NAV1: variants seen among roughly 807,000 people sequenced by gnomAD.
The protein encoded by NAV1 is neuron navigator 1.
Under a neutral mutation model 175.2 loss-of-function variants are expected in NAV1, and 18 were observed. The observed-to-expected ratio is 0.10, with a 90% confidence interval of 0.07 to 0.15. NAV1 has a LOEUF of 0.15. Ranked by LOEUF, NAV1 falls within the 10% of genes least tolerant of loss-of-function variation. The pLI, the probability that NAV1 is intolerant of heterozygous loss-of-function variation, is 1.00. For synonymous variants in NAV1, 897 were observed against 978.7 expected (o/e 0.92, Z 1.56); for missense variants, 1,731 against 2,436.6 (o/e 0.71, Z 6.10).
intron 1 of NAV1, among the ~76,000 whole-genome samples, chr1:201,552,562 C>T (rs1399425026): frequency 6.6e-6 from 1 of 152,118 alleles, no homozygotes; most frequent in Non-Finnish European, 1.5e-5. Context: ...GTTCCTACAA[C>T]CTCCCTGAGC....
At chr1:201,673,654 G>A (rs1670134342) in intron 1 of NAV1, among the ~76,000 whole-genome samples, 1 of 152,176 alleles carries the variant, frequency 6.6e-6, no homozygotes, top group Admixed American at 6.5e-5. Flanking sequence ...GTGGGAGAGA[G>A]GGCAGAAGAG....
intron 2 of NAV1, among the ~76,000 whole-genome samples, chr1:201,596,912 G>A (rs1007946329): frequency 1.3e-5 from 2 of 152,062 alleles, no homozygotes; most frequent in African/African-American, 2.4e-5. Context: ...TGCAACCTCC[G>A]CCTCCTGGGT....
rs570986744 is a variant in NAV1, at chr1:201,723,846, T to C, written c.1226+5091T>C. On this transcript the variant is annotated intron_variant, in intron 3 of 29. Coordinates refer to ENST00000367296, the Ensembl canonical transcript of NAV1. Reference sequence around the variant, plus strand: ...AATCTGTTTCGCTGTAACTTCTACCTATTGATTCAAATTCTGTCATCTGGG... The same window carrying C: ...AATCTGTTTCGCTGTAACTTCTACCCATTGATTCAAATTCTGTCATCTGGG... 10 of 152,366 alleles carry C rather than the reference T, an allele frequency of 6.6e-5. No individual in the cohort carries two copies. The South Asian group carries it at 2.1e-3, about 32-fold the overall frequency. 9.4% of individuals were successfully genotyped at this position (152,366 alleles called of 1,614,324 possible). A position where few individuals can be genotyped will look rare whatever the true frequency, so the allele number is the denominator to read the frequency against.
At chr1:201,712,033 A>G (rs1455416934) in intron 1 of NAV1, among the ~76,000 whole-genome samples, 1 of 152,218 alleles carries the variant, frequency 6.6e-6, no homozygotes, top group African/African-American at 2.4e-5. Flanking sequence ...GGATTGGGCC[A>G]CACCCATGCA....
At chr1:201,716,442 A>G (rs1261801082) in intron 2 of NAV1, among the ~76,000 whole-genome samples, 1 of 152,228 alleles carries the variant, frequency 6.6e-6, no homozygotes, top group East Asian at 1.9e-4. Context: ...CAAGGCAGAC[A>G]AAGTCGCACC....
In NAV1 at chr1:201,610,782, C is replaced by G. The variant is rs527274568; in HGVS notation, c.-32-12071C>G. Among the ~76,000 whole-genome samples, 3 of 152,272 alleles carry G rather than the reference C, an allele frequency of 2.0e-5. No homozygotes were observed. The South Asian group carries it at 6.2e-4, about 32-fold the overall frequency. On this transcript the variant is annotated intron_variant, in intron 2 of 33. Coordinates refer to the NAV1 transcript ENST00000685211. ...GGTGAAATCTTTGCTATTGCTTGAT[C>G]ACTTAACTATAAATAACAGGAAGCT...
intron 2 of NAV1, among the ~76,000 whole-genome samples, chr1:201,630,397 T>C (rs1459150736): frequency 6.6e-6 from 1 of 152,218 alleles, no homozygotes; most frequent in Non-Finnish European, 1.5e-5. Context: ...AGCTTTGTCT[T>C]GGTGCCCTGC....
At chr1:201,599,186 G>A (rs1427605815) in intron 2 of NAV1, among the ~76,000 whole-genome samples, 5 of 152,182 alleles carry the variant, frequency 3.3e-5, no homozygotes, top group Admixed American at 3.3e-4. Flanking sequence ...GGACAATGAG[G>A]TCACACTCTC....
chr1:201,815,059 TAAA>T (rs963605473), intron 28 of NAV1, among the ~76,000 whole-genome samples: 1 of 142,294 alleles, frequency 7.0e-6, no homozygotes, highest in Non-Finnish European at 1.5e-5. Context: ...AAAAAAAAGT[TAAA>T]AAAAAAAAAT....
intron 1 of NAV1, among the ~76,000 whole-genome samples, chr1:201,552,804 A>C (rs1437841949): frequency 6.6e-6 from 1 of 152,180 alleles, no homozygotes; most frequent in African/African-American, 2.4e-5. Context: ...AGGATGCCTC[A>C]TTTAGCCCCA....
intron 1 of NAV1, among the ~76,000 whole-genome samples, chr1:201,664,876 C>T (rs1466380873): frequency 6.6e-6 from 1 of 152,176 alleles, no homozygotes; most frequent in African/African-American, 2.4e-5. Context: ...CCAGGCCTGC[C>T]ATCTCTAGAA....
intron 3 of NAV1, among the ~76,000 whole-genome samples, chr1:201,722,775 C>A (rs982465829): frequency 6.6e-6 from 1 of 152,118 alleles, no homozygotes; most frequent in African/African-American, 2.4e-5. Flanking sequence ...CCGAATTCTC[C>A]CCAACATTTA....
chr1:201,817,769 C>T (rs1452813272), intron 29 of NAV1, among the ~76,000 whole-genome samples: 1 of 152,196 alleles, frequency 6.6e-6, no homozygotes, highest in African/African-American at 2.4e-5. Context: ...ACTTCTGCTT[C>T]TCCTCTGACG....
intron 15 of NAV1, chr1:201,797,069 C>T (rs1400099901): frequency 6.6e-6 from 1 of 152,108 alleles, no homozygotes; most frequent in African/African-American, 2.4e-5. Flanking sequence ...ATTGCCTAAT[C>T]CAGGGTCATG....
At chr1:201,803,611 A>G in exon 16 of NAV1, 4 of 1,613,722 alleles carry the variant, frequency 2.5e-6, no homozygotes, top group Non-Finnish European at 3.4e-6. Context: ...ATCAAGAGAC[A>G]AAACTCCTCA....
At chr1:201,657,049 C>T (rs1669432905) in intron 1 of NAV1, among the ~76,000 whole-genome samples, 1 of 152,182 alleles carries the variant, frequency 6.6e-6, no homozygotes, top group African/African-American at 2.4e-5. Context: ...ATTCCAACAT[C>T]CCCAGACTGA....
chr1:201,648,216 T>G, upstream of NAV1: 3 of 1,001,804 alleles, frequency 3.0e-6, no homozygotes, highest in Non-Finnish European at 3.6e-6. Flanking sequence ...GCTGGCTGAG[T>G]GCGGCCGGGG....
chr1:201,573,805 G>T (rs988718817), intron 1 of NAV1, among the ~76,000 whole-genome samples: 3 of 152,102 alleles, frequency 2.0e-5, no homozygotes, highest in Non-Finnish European at 4.4e-5. Context: ...TCCAAAAAAT[G>T]CATTACATTC....
exon 14 of NAV1, chr1:201,793,809 T>C: frequency 1.2e-6 from 2 of 1,613,710 alleles, no homozygotes; most frequent in Non-Finnish European, 1.7e-6. Flanking sequence ...TGGTGGCTGC[T>C]TTTGAGCAGA....
Sources: gnomAD v4.1 joint callset for allele counts (sites outside exome capture counted in the v4.1 genomes callset) on GRCh38, gnomAD v4.1.1 for gene constraint, MANE v1.5 for transcripts, NCBI Gene and HGNC (gene_info 2026-07-23, HGNC 2026-07-21) for gene names.